Variants in ARHGAP18 observed in about 807,000 individuals in gnomAD.
The protein encoded by ARHGAP18 is Rho GTPase activating protein 18, also known as rho GTPase-activating protein 18.
Under a neutral mutation model 86.2 loss-of-function variants are expected in ARHGAP18, and 67 were observed. The ratio of observed to expected loss-of-function variants is 0.78; its 90% confidence interval spans 0.64 to 0.95. The LOEUF is 0.95. ARHGAP18 is among the 40% of genes least tolerant of loss of function. The pLI is 0.00. For synonymous variants in ARHGAP18, 283 were observed against 280.4 expected, an observed-to-expected ratio of 1.01 and a Z score of -0.09; for missense variants, 691 against 780.4, an observed-to-expected ratio of 0.89 and a Z score of 1.37.
At chr6:129,621,451 G>C (rs891529527) in intron 5 of ARHGAP18, among the ~76,000 whole-genome samples, 1 of 152,114 alleles carries the variant, frequency 6.6e-6, no homozygotes, top group Non-Finnish European at 1.5e-5. Flanking sequence ...TTTCCAGCAG[G>C]GGGCAGGATG....
intron 6 of ARHGAP18, among the ~76,000 whole-genome samples, chr6:129,618,073 T>C (rs1265591745): frequency 6.6e-6 from 1 of 151,320 alleles, no homozygotes; most frequent in Non-Finnish European, 1.5e-5. Flanking sequence ...AAAAATAAAC[T>C]GTTTATTTAA....
chr6:129,658,336 T>G (rs1773881651), intron 1 of ARHGAP18, among the ~76,000 whole-genome samples: 1 of 152,152 alleles, frequency 6.6e-6, no homozygotes, highest in African/African-American at 2.4e-5. Flanking sequence ...GATTTTGTTA[T>G]TTGGAGATCT....
rs1308035384 is a variant in ARHGAP18, at chr6:129,577,250, C to G, written c.*1263G>C. On this transcript the variant is annotated 3_prime_UTR_variant, in exon 15 of 15. Transcript: ENST00000368149. Reference sequence around the variant, plus strand: ...ACTGTTCTCATTAACAGCATTCCCCCCCTTCATTAGAGACATCAAGAGCTT... The same window carrying G: ...ACTGTTCTCATTAACAGCATTCCCCGCCTTCATTAGAGACATCAAGAGCTT... 6.6e-6 allele frequency: 1 copy of G among 152,124 alleles called. No individual in the cohort carries two copies. Among genetic ancestry groups the G allele is most frequent in the Non-Finnish European group, 1.5e-5 (1 of 67,994 alleles). 9.4% of individuals were successfully genotyped at this position (152,124 alleles called of 1,614,324 possible).
intron 1 of ARHGAP18, among the ~76,000 whole-genome samples, chr6:129,647,626 G>A (rs1773607011): frequency 6.6e-6 from 1 of 151,634 alleles, no homozygotes; most frequent in Non-Finnish European, 1.5e-5. Flanking sequence ...GTATAAGACA[G>A]AAGAATAAAA....
intron 4 of ARHGAP18, among the ~76,000 whole-genome samples, chr6:129,632,733 A>G (rs1773245614): frequency 6.6e-6 from 1 of 152,222 alleles, no homozygotes; most frequent in Non-Finnish European, 1.5e-5. Flanking sequence ...TTTTATAAAT[A>G]TATATGCATG....
At position 129,599,348 on chromosome 6, in the gene ARHGAP18, C is replaced by A; in HGVS notation, c.1581G>T (p.Lys527Asn). 1 of 1,551,178 alleles carries A rather than the reference C, an allele frequency of 6.4e-7. No homozygotes were observed. The highest frequency in any genetic ancestry group is 2.1e-5 in the Admixed American group (1 of 48,276). The change falls in exon 12 of 15, where the codon AAG (lysine) becomes AAT (asparagine). Residue 527 changes from lysine (K) to asparagine (N), a missense_variant. Coordinates refer to ENST00000368149, the MANE Select transcript of ARHGAP18 (RefSeq NM_033515.3). The stretch of plus-strand genomic sequence containing the variant: ...GCTTCCTCACTTGGTTTACAATAAA[C>A]TTGGGAATCTATAGAGAAAAGGAAT... The part of the protein sequence containing the change: ...KYQKLLWTIP[K>N]FIVNQVRKQN...
intron 1 of ARHGAP18, among the ~76,000 whole-genome samples, chr6:129,665,627 C>A (rs1430015877): frequency 6.6e-6 from 1 of 152,150 alleles, no homozygotes; most frequent in South Asian, 2.1e-4. Flanking sequence ...TGCGAAAGAA[C>A]CTTTCATAAT....
At chr6:129,695,031 A>C (rs1487770697) in intron 1 of ARHGAP18, among the ~76,000 whole-genome samples, 2 of 152,212 alleles carry the variant, frequency 1.3e-5, no homozygotes, top group African/African-American at 4.8e-5. Context: ...TAATTCCAAA[A>C]TGTACAATTT....
At chr6:129,672,117 T>TC (rs1240862339) in intron 1 of ARHGAP18, among the ~76,000 whole-genome samples, 1 of 151,956 alleles carries the variant, frequency 6.6e-6, no homozygotes, top group Non-Finnish European at 1.5e-5. Flanking sequence ...ACGCTTCCTC[T>TC]CCCCTTTCTT....
chr6:129,687,116 G>A (rs1354069904), intron 1 of ARHGAP18, among the ~76,000 whole-genome samples: 1 of 151,626 alleles, frequency 6.6e-6, no homozygotes, highest in Non-Finnish European at 1.5e-5. Context: ...GAGTCACTGC[G>A]CCTGGCCATA....
At chr6:129,611,449 G>C (rs1250034491) in intron 8 of ARHGAP18, 84 bp downstream of exon 8, 2 of 1,115,300 alleles carry the variant, frequency 1.8e-6, no homozygotes, top group Non-Finnish European at 2.7e-6. Context: ...TGGAAAAAAG[G>C]GGTAGAGAGG....
In ARHGAP18 at chr6:129,578,035, T is replaced by G. The variant is rs887350469; in HGVS notation, c.*478A>C. ...CAGGAATACTGTGAAATTAGGTATG[T>G]TTTAATGTGCTGTCTTCACAACTTG... On this transcript the variant is annotated 3_prime_UTR_variant, in exon 15 of 15. Coordinates refer to ENST00000368149, the MANE Select transcript of ARHGAP18 (RefSeq NM_033515.3). 4 of 152,180 alleles carry G rather than the reference T, an allele frequency of 2.6e-5. No homozygotes were observed. Among genetic ancestry groups the G allele is most frequent in the African/African-American group, 9.7e-5 (4 of 41,436 alleles). 9.4% of individuals were successfully genotyped at this position (152,180 alleles called of 1,614,324 possible).
chr6:129,584,866 G>A (rs1313666741), intron 12 of ARHGAP18, among the ~76,000 whole-genome samples: 1 of 152,086 alleles, frequency 6.6e-6, no homozygotes, highest in Non-Finnish European at 1.5e-5. Context: ...ATGTTCAAAA[G>A]ATAATGCTTT....
intron 1 of ARHGAP18, among the ~76,000 whole-genome samples, chr6:129,667,469 A>ATG (rs376500003): frequency 0.068 from 7,051 of 104,150 alleles, 207 homozygotes; most frequent in Admixed American, 0.094. Flanking sequence ...AAAAATATAT[A>ATG]TGTGTGTGTG....
intron 1 of ARHGAP18, among the ~76,000 whole-genome samples, chr6:129,672,095 G>A (rs894210262): frequency 6.6e-6 from 1 of 151,878 alleles, no homozygotes; most frequent in Admixed American, 6.6e-5. Flanking sequence ...ACACGTACAC[G>A]CGCACACACA....
At chr6:129,684,263 A>T (rs1402246108) in intron 1 of ARHGAP18, among the ~76,000 whole-genome samples, 2 of 152,252 alleles carry the variant, frequency 1.3e-5, no homozygotes, top group Admixed American at 1.3e-4. Flanking sequence ...GCAAAAATGC[A>T]TGTGCAAAAC....
At chr6:129,632,808 A>T (rs79529503) in intron 4 of ARHGAP18, among the ~76,000 whole-genome samples, 1,795 of 152,312 alleles carry the variant, frequency 0.012, 38 homozygotes, top group African/African-American at 0.04. Flanking sequence ...TGAGGAAAGT[A>T]TGGAAGGAAA....
intron 10 of ARHGAP18, among the ~76,000 whole-genome samples, chr6:129,604,252 A>C (rs1308884846): frequency 6.6e-6 from 1 of 151,224 alleles, no homozygotes; most frequent in Non-Finnish European, 1.5e-5. Flanking sequence ...TCATACACAA[A>C]ATGTAAGAAC....
intron 12 of ARHGAP18, among the ~76,000 whole-genome samples, chr6:129,591,008 G>C (rs1009495258): frequency 6.6e-6 from 1 of 152,102 alleles, no homozygotes; most frequent in Non-Finnish European, 1.5e-5. Flanking sequence ...GTTGTTTCTG[G>C]GAAGTTTTTG....
Sources: allele counts gnomAD v4.1 joint callset (sites outside exome capture counted in the v4.1 genomes callset), GRCh38; gene constraint gnomAD v4.1.1; transcripts MANE v1.5; gene names NCBI Gene and HGNC (gene_info 2026-07-23, HGNC 2026-07-21).